Variants in SLC4A8 observed in about 807,000 individuals in gnomAD.
The protein encoded by SLC4A8 is solute carrier family 4 member 8.
A neutral mutation model predicts 125.0 loss-of-function variants in SLC4A8; 40 were observed. That is an observed-to-expected ratio of 0.32 (90% CI 0.25 to 0.42). The LOEUF is 0.42. SLC4A8 is among the 10% of genes least tolerant of loss of function. The pLI, the probability that SLC4A8 is intolerant of heterozygous loss-of-function variation, is 1.00. For synonymous variants in SLC4A8, 456 were observed against 476.0 expected (o/e 0.96, Z 0.55); for missense variants, 863 against 1,355.1 (o/e 0.64, Z 5.70).
Position 51,505,943 on chromosome 12 carries a change from G to GT in SLC4A8, c.3269+14dup. On this transcript the variant is annotated intron_variant, in intron 24 of 24. Transcript: ENST00000453097. ...CAAAGGAAAAGAGGTAAAGAGAACTGTAACATCTGGTTTTTATTTATTTCT... is the reference window on the plus strand; with the variant it reads ...CAAAGGAAAAGAGGTAAAGAGAACTGTTAACATCTGGTTTTTATTTATTTCT... The GT allele has an allele frequency of 8.4e-7, 1 of 1,184,764 alleles. No individual in the cohort carries two copies. The highest frequency in any genetic ancestry group is 2.4e-5 in the East Asian group (1 of 42,360). 73.4% of individuals were successfully genotyped at this position (1,184,764 alleles called of 1,614,324 possible).
chr12:51,468,616 C>T (rs1440933389), intron 11 of SLC4A8, among the ~76,000 whole-genome samples: 4 of 152,018 alleles, frequency 2.6e-5, no homozygotes, highest in Non-Finnish European at 4.4e-5. Context: ...AAAAATTAGC[C>T]GGGCATGGTG....
rs1951383900 is a variant in SLC4A8, at chr12:51,493,728, G to A, written c.2725G>A (p.Gly909Arg). ...LKFIPMPVLY[G>R]VFLYMGVSSL... is the part of the protein sequence containing the mutation. ...GTTTATTCCAATGCCAGTACTCTAC[G>A]GAGTTTTCCTTTACATGGGAGTTTC... Residue 909 changes from glycine (G) to arginine (R), a missense_variant, in exon 20 of 25, where the codon GGA (glycine) becomes AGA (arginine). Coordinates refer to ENST00000453097, the MANE Select transcript of SLC4A8 (RefSeq NM_001039960.3). 2.5e-6 allele frequency: 4 copies of A among 1,610,226 alleles called. No individual in the cohort carries two copies. The highest frequency in any genetic ancestry group is 3.4e-6 in the Non-Finnish European group (4 of 1,176,600).
Position 51,507,433 on chromosome 12 carries a change from A to G in SLC4A8, c.3277A>G (p.Asn1093Asp). 1 of 1,395,100 alleles carries G rather than the reference A, an allele frequency of 7.2e-7. No homozygotes were observed. The highest frequency in any genetic ancestry group is 9.4e-7 in the Non-Finnish European group (1 of 1,066,902). 86.4% of individuals were successfully genotyped at this position (1,395,100 alleles called of 1,614,324 possible). The change falls in exon 25 of 25, where the codon AAC becomes GAC. Residue 1093 changes from asparagine to aspartate, a missense_variant. Asn to Asp is a conservative substitution (Grantham distance 23). Coordinates refer to ENST00000453097, the MANE Select transcript of SLC4A8 (RefSeq NM_001039960.3). ...TGTAACACTTTTATTCAGTCTCTTC[A>G]ACTAAGAGTCTTTGCTGGGATGGAA... ...SGNAKEKSLF[N>D]
upstream of SLC4A8, among the ~76,000 whole-genome samples, chr12:51,422,697 C>G (rs537500763): frequency 1.8e-4 from 28 of 152,326 alleles, no homozygotes; most frequent in African/African-American, 6.5e-4. Flanking sequence ...CCTCCCACTG[C>G]TCTTCTCAAT....
intron 16 of SLC4A8, among the ~76,000 whole-genome samples, chr12:51,479,637 C>T (rs1030445803): frequency 3.5e-5 from 5 of 144,084 alleles, no homozygotes; most frequent in South Asian, 2.2e-4. Flanking sequence ...GAGCTGAGAT[C>T]GTGCCACTGC....
intron 4 of SLC4A8, among the ~76,000 whole-genome samples, chr12:51,452,497 AG>A (rs1025497393): frequency 6.6e-6 from 1 of 152,256 alleles, no homozygotes; most frequent in East Asian, 1.9e-4. Context: ...TGGGATATTC[AG>A]GGGGGCCCCT....
chr12:51,459,853 A>G (rs974002628), intron 7 of SLC4A8, 98 bp from the exon 8 acceptor site: 1 of 1,010,820 alleles, frequency 9.9e-7, no homozygotes, highest in South Asian at 1.5e-5. Context: ...TGGGTGATGT[A>G]GTGAGACTCT....
intron 1 of SLC4A8, among the ~76,000 whole-genome samples, chr12:51,395,404 G>C (rs760429402): frequency 7.3e-5 from 11 of 151,166 alleles, no homozygotes; most frequent in Non-Finnish European, 1.0e-4. Flanking sequence ...TGGGTGTTCT[G>C]AGTTTCACTT....
At chr12:51,405,907 A>G (rs1441942796) in intron 1 of SLC4A8, among the ~76,000 whole-genome samples, 1 of 152,260 alleles carries the variant, frequency 6.6e-6, no homozygotes, top group Non-Finnish European at 1.5e-5. Context: ...AGAAAAACAG[A>G]GCCATGTCAT....
chr12:51,424,913 T>G lies in SLC4A8; in HGVS notation c.-75T>G. ...GGGGGTCGCCGTTCGAGTGATCTGC[T>G]CAGACCCGACCAGAGGGCGCGGGCT... On this transcript the variant is annotated 5_prime_UTR_variant, in exon 1 of 25. Transcript: ENST00000453097. The G allele has an allele frequency of 6.7e-7, 1 of 1,503,500 alleles. No homozygotes were observed. Among genetic ancestry groups the G allele is most frequent in the Non-Finnish European group, 9.0e-7 (1 of 1,105,268 alleles). The allele number at this position is 1,503,500 out of a possible 1,614,324, so 93.1% of individuals were successfully genotyped here.
At chr12:51,440,618 A>C in intron 1 of SLC4A8, 90 bp from the exon 2 acceptor site, 1 of 929,538 alleles carries the variant, frequency 1.1e-6, no homozygotes, top group Non-Finnish European at 1.7e-6. Context: ...TTTCCCCCGT[A>C]AGTATCTCAA....
intron 17 of SLC4A8, among the ~76,000 whole-genome samples, chr12:51,486,626 G>A (rs181176702): frequency 6.6e-6 from 1 of 152,218 alleles, no homozygotes; most frequent in Non-Finnish European, 1.5e-5. Flanking sequence ...CCCATAGGGT[G>A]AGGGGAGAGA....
In SLC4A8 at chr12:51,514,693, T is replaced by G. The variant is rs2138487180; in HGVS notation, c.*7255T>G. 1 of 152,358 alleles carries G rather than the reference T, an allele frequency of 6.6e-6. No individual in the cohort carries two copies. The highest frequency in any genetic ancestry group is 2.1e-4 in the South Asian group (1 of 4,826). 9.4% of individuals were successfully genotyped at this position (152,358 alleles called of 1,614,324 possible). A position where few individuals can be genotyped will look rare whatever the true frequency, so the allele number is the denominator to read the frequency against. On this transcript the variant is annotated 3_prime_UTR_variant, in exon 25 of 25. Coordinates refer to ENST00000453097, the MANE Select transcript of SLC4A8 (RefSeq NM_001039960.3). ...AATAGAAATGATTTTCTACTAAGCC[T>G]ATCCTTTGTGATTCTTGGTTCCCTT...
chr12:51,496,593 C>G (rs867040071), intron 21 of SLC4A8, among the ~76,000 whole-genome samples: 5 of 152,196 alleles, frequency 3.3e-5, no homozygotes, highest in African/African-American at 1.2e-4. Context: ...AGATGATCTT[C>G]TAAGAGAACC....
At chr12:51,406,864 G>T (rs1330017272) in intron 1 of SLC4A8, among the ~76,000 whole-genome samples, 1 of 152,230 alleles carries the variant, frequency 6.6e-6, no homozygotes, top group Non-Finnish European at 1.5e-5. Context: ...ATGAGGAGGA[G>T]CCAGGCTAGG....
chr12:51,514,158 G>A lies in SLC4A8; in HGVS notation c.*6720G>A, dbSNP rs1938457060. The A allele has an allele frequency of 6.6e-6, 1 of 152,624 alleles. No individual in the cohort carries two copies. The highest frequency in any genetic ancestry group is 1.5e-5 in the Non-Finnish European group (1 of 68,024). The allele number at this position is 152,624 out of a possible 1,614,324, so 9.5% of individuals were successfully genotyped here. A position where few individuals can be genotyped will look rare whatever the true frequency, so the allele number is the denominator to read the frequency against. On this transcript the variant is annotated 3_prime_UTR_variant, in exon 25 of 25. Transcript: ENST00000453097. ...CTAAATTTATTTTGTAAGGAAGTTA[G>A]CACCTCCTTCCAGGACTTTAAACAG...
rs1189533896 is a variant in SLC4A8 at position 51,514,588 on chromosome 12, T to G, written c.*7150T>G. 6.6e-6 allele frequency: 1 copy of G among 152,142 alleles called. No homozygotes were observed. The highest frequency in any genetic ancestry group is 1.5e-5 in the Non-Finnish European group (1 of 68,026). The allele number at this position is 152,142 out of a possible 1,614,324, so 9.4% of individuals were successfully genotyped here. A position where few individuals can be genotyped will look rare whatever the true frequency, so the allele number is the denominator to read the frequency against. ...GGACTTTATGGTCATTTCCCCTGTT[T>G]AGGGTGAGGGACTAAGAATTCTCAA... On this transcript the variant is annotated 3_prime_UTR_variant, in exon 25 of 25. Coordinates refer to ENST00000453097, the MANE Select transcript of SLC4A8 (RefSeq NM_001039960.3).
intron 1 of SLC4A8, among the ~76,000 whole-genome samples, chr12:51,440,263 C>A (rs1408621625): frequency 6.6e-6 from 1 of 152,062 alleles, no homozygotes; most frequent in African/African-American, 2.4e-5. Context: ...GATTTACAGC[C>A]ACAAGACCTG....
chr12:51,495,012 A>T lies in SLC4A8; in HGVS notation c.2837A>T (p.His946Leu), dbSNP rs769532170. The change falls in exon 21 of 25, where the codon CAT becomes CTT. Residue 946 changes from histidine (H) to leucine (L), a missense_variant. This residue lies in a region of SLC4A8 where 197 missense variants were observed against 377.7 expected (regional missense o/e 0.52). Transcript: ENST00000453097. ...KHQPDFIYLR[H>L]VPLRKVHLFT... ...CAGCCAGATTTCATCTACCTGCGGC[A>T]TGTGCCGCTGCGCAAAGTGCACCTC... The T allele has an allele frequency of 6.2e-7, 1 of 1,614,224 alleles. No homozygotes were observed. The highest frequency in any genetic ancestry group is 8.5e-7 in the Non-Finnish European group (1 of 1,180,020).
Sources: allele counts gnomAD v4.1 joint callset (sites outside exome capture counted in the v4.1 genomes callset), GRCh38; gene constraint gnomAD v4.1.1; regional missense constraint gnomAD v4.1.1; transcripts MANE v1.5; gene names NCBI Gene and HGNC (gene_info 2026-07-23, HGNC 2026-07-21).